The following INTS6 variants were observed in gnomAD, a reference collection of about 807,000 sequenced individuals.
INTS6 encodes integrator complex subunit 6.
A neutral mutation model predicts 104.9 loss-of-function variants in INTS6; 16 were observed. The ratio of observed to expected loss-of-function variants is 0.15; its 90% CI spans 0.10 to 0.23. INTS6 has a LOEUF of 0.23. Among genes scored for constraint, INTS6 ranks in the 10% least tolerant of loss-of-function variants. The pLI is 1.00. For missense variants in INTS6, 584 were observed against 1,062.8 expected, an observed-to-expected ratio of 0.55 and a Z score of 6.26; for synonymous variants, 324 against 358.7, an observed-to-expected ratio of 0.90 and a Z score of 1.09.
chr13:51,449,707 A>T, intron 3 of INTS6: 1 of 985,428 alleles, frequency 1.0e-6, no homozygotes, highest in Non-Finnish European at 1.2e-6. Context: ...TGCACTACAT[A>T]TCACAAAGGA....
At position 51,374,376 on chromosome 13, in the gene INTS6, C is replaced by T. The variant is rs1372857363; in HGVS notation, c.1936G>A (p.Gly646Arg). 2 of 1,613,978 alleles carry T rather than the reference C, an allele frequency of 1.2e-6. No homozygotes were observed. Among genetic ancestry groups the T allele is most frequent in the Non-Finnish European group, 1.7e-6 (2 of 1,179,954 alleles). The change falls in exon 15 of 18, where the codon GGA becomes AGA. Residue 646 changes from glycine (G) to arginine (R), a missense_variant. By Grantham distance (125) the Gly-to-Arg change is moderately radical. Transcript: ENST00000311234. ...AGPQNKHKRP[G>R]EPNMQGIPKR... ...GGGATCCCTTGCATATTTGGTTCTC[C>T]GGGTCGTTTATGTTTATTTTGAGGT...
rs144934935 is a variant in INTS6, at chr13:51,427,993, A to G, written c.429+2301T>C. Among the ~76,000 whole-genome samples, 177 of 152,336 alleles carry G rather than the reference A, an allele frequency of 1.2e-3. 1 individual carries two copies. Among genetic ancestry groups the G allele is most frequent in the African/African-American group, 3.9e-3 (164 of 41,578 alleles). On this transcript the variant is annotated intron_variant, in intron 4 of 17. Coordinates refer to ENST00000311234, the MANE Select transcript of INTS6 (RefSeq NM_012141.3). ...TTCCAATACACATGTATATTTCAAG[A>G]TATTTTTAAGCTAGAAGAGGTCTCC...
In INTS6 at chr13:51,387,392, T is replaced by G. The variant is rs776033942; in HGVS notation, c.888A>C (p.Pro296=). The G allele has an allele frequency of 5.0e-6, 8 of 1,610,452 alleles. No homozygotes were observed. In the South Asian group the frequency reaches 8.8e-5, roughly 18 times the overall value. The stretch of plus-strand genomic sequence containing the variant: ...TACAGTCTCTGGTACTTACTAGTGT[T>G]GGCGAATTTTGATCTGGCCAAAAAG... ...PESFWPDQNS[P]TLPPRTSHPV... is the part of the protein sequence containing the mutation. The change falls in exon 7 of 18, where the codon CCA becomes CCC. Residue 296 remains proline, a synonymous_variant. Transcript: ENST00000311234.
chr13:51,338,532 T>C, the INTS6 span, among the ~76,000 whole-genome samples: 41 of 152,204 alleles, frequency 2.7e-4, no homozygotes, highest in African/African-American at 9.2e-4. Flanking sequence ...GACAGATGGA[T>C]TGATGGATGC....
Position 51,452,689 on chromosome 13 carries a change from C to T in INTS6, c.-164G>A. ...CCTCCGGCTGCGGGGAGTTTCTCCCCCGATAGTTGAGAGGAAACTCCCCAG... is the reference window on the plus strand; with the variant it reads ...CCTCCGGCTGCGGGGAGTTTCTCCCTCGATAGTTGAGAGGAAACTCCCCAG... On this transcript the variant is annotated 5_prime_UTR_variant, in exon 1 of 18. Coordinates refer to ENST00000311234, the MANE Select transcript of INTS6 (RefSeq NM_012141.3). This position sits in a 1 kb window ranked among gnomAD's most constrained non-coding sequence, Gnocchi z 4.2. 2 of 1,389,030 alleles carry T rather than the reference C, an allele frequency of 1.4e-6. No homozygotes were observed. Among genetic ancestry groups the T allele is most frequent in the Non-Finnish European group, 1.9e-6 (2 of 1,071,200 alleles). 86.0% of individuals were successfully genotyped at this position (1,389,030 alleles called of 1,614,324 possible). A position where few individuals can be genotyped will look rare whatever the true frequency, so the allele number is the denominator to read the frequency against.
In INTS6 at chr13:51,450,875, G is replaced by GT. The variant is rs1189487501; in HGVS notation, c.339+149dup. 4 of 1,275,138 alleles carry GT rather than the reference G, an allele frequency of 3.1e-6. No individual in the cohort carries two copies. The African/African-American group carries it at 6.1e-5, about 20-fold the overall frequency. 79.0% of individuals were successfully genotyped at this position (1,275,138 alleles called of 1,614,324 possible). A position where few individuals can be genotyped will look rare whatever the true frequency, so the allele number is the denominator to read the frequency against. On this transcript the variant is annotated intron_variant, in intron 3 of 17. Transcript: ENST00000311234. ...AGGGATGTAAAATATATATAGTAGG[G>GT]TAAGAGTTTTGCCTTTGAACAATGT...
At chr13:51,355,866 A>C (rs1955473350) in intron 3 of INTS6, among the ~76,000 whole-genome samples, 1 of 152,180 alleles carries the variant, frequency 6.6e-6, no homozygotes, top group Non-Finnish European at 1.5e-5. Context: ...CTGGATAGTA[A>C]ATTATCTGTG....
At chr13:51,345,566 G>C in the INTS6 span, among the ~76,000 whole-genome samples, 1 of 131,774 alleles carries the variant, frequency 7.6e-6, no homozygotes, top group Non-Finnish European at 1.5e-5. Context: ...CTGCACTCCA[G>C]CTTGGGCAAC....
chr13:51,374,744 G>C lies in INTS6; in HGVS notation c.1782C>G (p.Leu594=). ...IAQMGNYQEY[L]KQVPSPLREL... ...CTCTTAGTGGAGAAGGTACTTGCTT[G>C]AGGTATTCCTGGTAGTTCCCCATTT... The change falls in exon 14 of 18, where the codon CTC becomes CTG. Residue 594 remains leucine (L), a synonymous_variant. Transcript: ENST00000311234. 4 of 1,613,528 alleles carry C rather than the reference G, an allele frequency of 2.5e-6. No homozygotes were observed. The highest frequency in any genetic ancestry group is 3.4e-6 in the Non-Finnish European group (4 of 1,179,910).
At chr13:51,388,776 T>G (rs1451373982) in intron 6 of INTS6, among the ~76,000 whole-genome samples, 1 of 152,164 alleles carries the variant, frequency 6.6e-6, no homozygotes, top group Non-Finnish European at 1.5e-5. Flanking sequence ...TATAACTCCT[T>G]ATATCCACTG....
At chr13:51,387,341 CA>C in intron 7 of INTS6, 44 bp downstream of exon 7, 1 of 1,514,476 alleles carries the variant, frequency 6.6e-7, no homozygotes, top group Non-Finnish European at 8.9e-7. Flanking sequence ...ATAGGAAAGA[CA>C]GCTGAATGGT....
At chr13:51,419,524 C>T (rs1043288219) in intron 4 of INTS6, among the ~76,000 whole-genome samples, 1 of 152,210 alleles carries the variant, frequency 6.6e-6, no homozygotes, top group African/African-American at 2.4e-5. Context: ...ACTTCACAAA[C>T]TTGAATTAAC....
At chr13:51,450,473 G>C (rs1231235561) in intron 3 of INTS6, 1 of 985,260 alleles carries the variant, frequency 1.0e-6, no homozygotes, top group Non-Finnish European at 1.2e-6. Flanking sequence ...ATTTAATTCA[G>C]AGTTCTTCCT....
chr13:51,388,364 G>A (rs1479009367), intron 6 of INTS6, among the ~76,000 whole-genome samples: 3 of 150,530 alleles, frequency 2.0e-5, no homozygotes, highest in African/African-American at 7.3e-5. Flanking sequence ...TTGTGTGTGT[G>A]TGTGTTTTGT....
chr13:51,352,464 C>T (rs1197439603), downstream of INTS6, among the ~76,000 whole-genome samples: 2 of 151,676 alleles, frequency 1.3e-5, no homozygotes, highest in Admixed American at 1.3e-4. Flanking sequence ...TTTATTAGCT[C>T]TGATAGGTTT....
chr13:51,400,506 A>G (rs1212038336), intron 4 of INTS6, among the ~76,000 whole-genome samples: 1 of 152,210 alleles, frequency 6.6e-6, no homozygotes, highest in African/African-American at 2.4e-5. Flanking sequence ...AAATAGGGGC[A>G]AAGATACATT....
At chr13:51,450,967 CTG>C (rs1953030397) in intron 3 of INTS6, 56 bp downstream of exon 3, 8 of 1,437,320 alleles carry the variant, frequency 5.6e-6, no homozygotes, top group Admixed American at 5.2e-5. Context: ...TTGGACTGGA[CTG>C]TGTTTTTCCA....
At position 51,364,519 on chromosome 13, in the gene INTS6, A is replaced by C. The variant is rs1463649260; in HGVS notation, c.*1233T>G. 7 of 409,596 alleles carry C rather than the reference A, an allele frequency of 1.7e-5. No homozygotes were observed. The highest frequency in any genetic ancestry group is 1.3e-5 in the Non-Finnish European group (3 of 229,974). 25.4% of individuals were successfully genotyped at this position (409,596 alleles called of 1,614,324 possible). A position where few individuals can be genotyped will look rare whatever the true frequency, so the allele number is the denominator to read the frequency against. On this transcript the variant is annotated 3_prime_UTR_variant, in exon 18 of 18. Coordinates refer to ENST00000311234, the MANE Select transcript of INTS6 (RefSeq NM_012141.3). ...TACTGCTTACCCCCCAAACCACTAA[A>C]AGGCACAGCAGTGATCATGAATGGT...
chr13:51,434,404 A>G (rs1957149118), intron 3 of INTS6, among the ~76,000 whole-genome samples: 1 of 152,148 alleles, frequency 6.6e-6, no homozygotes, highest in Non-Finnish European at 1.5e-5. Flanking sequence ...AAATTTTGGA[A>G]AAGTCAGATA....
Sources: gnomAD v4.1 joint callset for allele counts (sites outside exome capture counted in the v4.1 genomes callset) on GRCh38, gnomAD v4.1.1 for gene constraint, Gnocchi (gnomAD v3.1) non-coding constraint, MANE v1.5 for transcripts, NCBI Gene and HGNC (gene_info 2026-07-23, HGNC 2026-07-21) for gene names.